Variants in ASTN2 observed in about 807,000 individuals in gnomAD.
ASTN2 encodes astrotactin 2, also known as astrotactin-2.
Under a neutral mutation model 139.8 loss-of-function variants are expected in ASTN2, and 54 were observed. The ratio of observed to expected loss-of-function variants is 0.39; its 90% CI spans 0.31 to 0.48. ASTN2 has a LOEUF of 0.48. Ranked by LOEUF, ASTN2 falls within the 20% of genes least tolerant of loss-of-function variation. ASTN2 has a pLI of 0.95. For missense variants in ASTN2, 1,565 were observed against 1,725.1 expected (o/e 0.91, Z 1.64); for synonymous variants, 756 against 719.5 (o/e 1.05, Z -0.81).
chr9:116,789,108 C>T (rs760194504), intron 13 of ASTN2, among the ~76,000 whole-genome samples: 2 of 152,102 alleles, frequency 1.3e-5, no homozygotes, highest in Non-Finnish European at 2.9e-5. Flanking sequence ...GGGAATTAAT[C>T]GAAACTTACA....
intron 5 of ASTN2, among the ~76,000 whole-genome samples, chr9:117,082,482 C>T (rs114659483): frequency 0.014 from 2,134 of 152,274 alleles, 47 homozygotes; most frequent in African/African-American, 0.049. Flanking sequence ...TCTTCCAGTT[C>T]TTTCTCTTCT....
chr9:116,496,453 G>A (rs549009399), intron 19 of ASTN2, among the ~76,000 whole-genome samples: 1 of 152,256 alleles, frequency 6.6e-6, no homozygotes, highest in African/African-American at 2.4e-5. Flanking sequence ...ATGGGGTAAA[G>A]GGCAGAGTAA....
At chr9:117,025,337 T>C (rs745982511) in intron 6 of ASTN2, among the ~76,000 whole-genome samples, 3 of 152,154 alleles carry the variant, frequency 2.0e-5, no homozygotes, top group South Asian at 2.1e-4. Flanking sequence ...CAATGTGCCC[T>C]CACCCCTGTA....
At chr9:116,448,538 C>T (rs528092611) in intron 20 of ASTN2, among the ~76,000 whole-genome samples, 5 of 152,332 alleles carry the variant, frequency 3.3e-5, no homozygotes, top group African/African-American at 1.2e-4. Flanking sequence ...TGGTGTTACA[C>T]GTTCCAGACT....
At chr9:116,933,377 T>C (rs1457661249) in intron 10 of ASTN2, among the ~76,000 whole-genome samples, 1 of 152,054 alleles carries the variant, frequency 6.6e-6, no homozygotes, top group African/African-American at 2.4e-5. Context: ...TTCCCTCTAG[T>C]CTACTTCAAG....
rs552692874 is a variant in ASTN2, at chr9:116,618,149, T to C, written c.3355+175A>G. Among the ~76,000 whole-genome samples, 5 of 152,282 alleles carry C rather than the reference T, an allele frequency of 3.3e-5. No homozygotes were observed. In the South Asian group the frequency reaches 1.0e-3, roughly 32 times the overall value. ...TCTAACTGCAACTTGCTATCTTTCC[T>C]TGATCAAATTCATACAAAACAGCAC... On this transcript the variant is annotated intron_variant, in intron 19 of 22. Coordinates refer to ENST00000313400, the MANE Select transcript of ASTN2 (RefSeq NM_001365068.1).
chr9:117,173,341 A>G (rs572307722), intron 3 of ASTN2, among the ~76,000 whole-genome samples: 11 of 152,278 alleles, frequency 7.2e-5, no homozygotes, highest in Admixed American at 6.5e-4. Context: ...AAAAAAATCA[A>G]GCAGGCAAAA....
At chr9:116,488,700 T>C (rs963264624) in intron 19 of ASTN2, among the ~76,000 whole-genome samples, 5 of 152,212 alleles carry the variant, frequency 3.3e-5, no homozygotes, top group South Asian at 2.1e-4. Flanking sequence ...GTAGAAATTT[T>C]ATATGCACAT....
chr9:117,288,312 G>A (rs1293812854), intron 2 of ASTN2, among the ~76,000 whole-genome samples: 2 of 152,178 alleles, frequency 1.3e-5, no homozygotes, highest in East Asian at 3.9e-4. Flanking sequence ...GGCATGGATG[G>A]TAGCAGGTTC....
intron 2 of ASTN2, among the ~76,000 whole-genome samples, chr9:117,252,144 A>G (rs1833556677): frequency 6.6e-6 from 1 of 152,208 alleles, no homozygotes; most frequent in African/African-American, 2.4e-5. Context: ...TCTTAATCAA[A>G]TGGAGATCAA....
chr9:116,851,433 T>G (rs549482496), intron 11 of ASTN2, among the ~76,000 whole-genome samples: 2 of 152,054 alleles, frequency 1.3e-5, no homozygotes, highest in South Asian at 4.1e-4. Context: ...GTTTTACATA[T>G]TTTTCTATAT....
rs187788820 is a variant in ASTN2, at chr9:116,648,773, C to A, written c.3072+2755G>T. ...TAGGAGCTGGGCGCAGTGGCTTACA[C>A]CTGTAATTCCAGCACTTTGGGAGGC... On this transcript the variant is annotated intron_variant, in intron 17 of 22. Transcript: ENST00000313400. 5.0e-3 allele frequency among the ~76,000 whole-genome samples: 766 copies of A among 152,336 alleles called. 3 individuals are homozygous for A. The highest frequency in any genetic ancestry group is 8.1e-3 in the Non-Finnish European group (550 of 68,026).
intron 17 of ASTN2, among the ~76,000 whole-genome samples, chr9:116,629,227 C>T (rs1266508085): frequency 1.3e-5 from 2 of 151,304 alleles, no homozygotes; most frequent in East Asian, 2.0e-4. Context: ...ACGCCATTCT[C>T]CTGCCTCAGC....
In ASTN2 at chr9:116,710,113, A is replaced by G. The variant is rs564474340; in HGVS notation, c.2806+15658T>C. 3.2e-4 allele frequency among the ~76,000 whole-genome samples: 48 copies of G among 152,306 alleles called. 1 individual carries two copies. The South Asian group carries it at 9.9e-3, about 32-fold the overall frequency. ...TAGGTAGGCCTACCTTTGGTGCCAG[A>G]GGGAAGCTCAATCCATGCAAGCCCC... On this transcript the variant is annotated intron_variant, in intron 16 of 22. Coordinates refer to ENST00000313400, the MANE Select transcript of ASTN2 (RefSeq NM_001365068.1).
intron 11 of ASTN2, among the ~76,000 whole-genome samples, chr9:116,824,260 C>T (rs1249366476): frequency 6.6e-6 from 1 of 152,212 alleles, no homozygotes; most frequent in Admixed American, 6.5e-5. Flanking sequence ...GGTATTAAGA[C>T]TCATGTAGTC....
rs373064099 is a variant in ASTN2, at chr9:116,674,236, C to G, written c.2807-22443G>C. ...ACTTGATGGATCAGCTGGCACTACCCAAATCAATACTTGCCAGGTTCTGAC... is the reference window on the plus strand; with the variant it reads ...ACTTGATGGATCAGCTGGCACTACCGAAATCAATACTTGCCAGGTTCTGAC... On this transcript the variant is annotated intron_variant, in intron 16 of 22. Coordinates refer to ENST00000313400, the MANE Select transcript of ASTN2 (RefSeq NM_001365068.1). 3.9e-5 allele frequency among the ~76,000 whole-genome samples: 6 copies of G among 152,170 alleles called. No individual in the cohort carries two copies. In the East Asian group the frequency reaches 1.2e-3, roughly 29 times the overall value.
intron 2 of ASTN2, among the ~76,000 whole-genome samples, chr9:117,215,146 T>C (rs1832272511): frequency 1.3e-5 from 2 of 152,192 alleles, no homozygotes; most frequent in Non-Finnish European, 2.9e-5. Context: ...AGACTCCATC[T>C]CCCACCAGCT....
intron 19 of ASTN2, among the ~76,000 whole-genome samples, chr9:116,525,089 G>A (rs1274659670): frequency 1.3e-5 from 2 of 152,096 alleles, no homozygotes; most frequent in Admixed American, 6.6e-5. Flanking sequence ...ATAGTAATAT[G>A]GACAATGAAG....
At chr9:116,768,040 T>TA (rs1829855102) in intron 13 of ASTN2, among the ~76,000 whole-genome samples, 2 of 151,816 alleles carry the variant, frequency 1.3e-5, no homozygotes, top group African/African-American at 4.8e-5. Context: ...ATCAGAAAAA[T>TA]AAAAAAGACC....
Sources: allele counts gnomAD v4.1 joint callset (sites outside exome capture counted in the v4.1 genomes callset), GRCh38; gene constraint gnomAD v4.1.1; transcripts MANE v1.5; gene names NCBI Gene and HGNC (gene_info 2026-07-23, HGNC 2026-07-21).